The following CACNA2D3 variants were observed in gnomAD, a reference collection of about 807,000 sequenced individuals.
CACNA2D3 encodes calcium voltage-gated channel auxiliary subunit alpha2delta 3, also known as voltage-dependent calcium channel subunit alpha-2/delta-3.
In CACNA2D3, 60 loss-of-function variants were observed where a neutral mutation model predicts 160.6. The observed-to-expected ratio is 0.37, with a 90% CI of 0.30 to 0.46. The LOEUF is 0.46. Among genes scored for constraint, CACNA2D3 ranks in the 20% least tolerant of loss-of-function variants. The pLI, the probability that CACNA2D3 is intolerant of heterozygous loss-of-function variation, is 1.00. For synonymous variants in CACNA2D3, 558 were observed against 492.9 expected, an observed-to-expected ratio of 1.13 and a Z score of -1.75; for missense variants, 1,205 against 1,365.0, an observed-to-expected ratio of 0.88 and a Z score of 1.85.
chr3:54,859,652 T>G (rs1699242091), intron 17 of CACNA2D3, among the ~76,000 whole-genome samples: 1 of 152,136 alleles, frequency 6.6e-6, no homozygotes, highest in African/African-American at 2.4e-5. Context: ...GGGGTTTTTA[T>G]TGGCTTGGCC....
chr3:54,474,198 C>T (rs1700787395), intron 4 of CACNA2D3, among the ~76,000 whole-genome samples: 1 of 152,280 alleles, frequency 6.6e-6, no homozygotes, highest in South Asian at 2.1e-4. Flanking sequence ...CACATATACA[C>T]CATGGAATAC....
chr3:54,359,546 T>C (rs1333890180), intron 3 of CACNA2D3, among the ~76,000 whole-genome samples: 2 of 152,158 alleles, frequency 1.3e-5, no homozygotes, highest in African/African-American at 4.8e-5. Context: ...AAGAAACCAA[T>C]GTCTCATATG....
chr3:54,391,533 C>A (rs1477131047), intron 4 of CACNA2D3, among the ~76,000 whole-genome samples: 2 of 146,006 alleles, frequency 1.4e-5, no homozygotes, highest in Non-Finnish European at 3.0e-5. Context: ...TTTTTTGAGA[C>A]AGAGTCTTGA....
chr3:54,164,849 T>G (rs1249618851), intron 2 of CACNA2D3, among the ~76,000 whole-genome samples: 1 of 152,182 alleles, frequency 6.6e-6, no homozygotes, highest in Non-Finnish European at 1.5e-5. Flanking sequence ...TGTGTGGCCT[T>G]GATCAAGTTA....
intron 27 of CACNA2D3, among the ~76,000 whole-genome samples, chr3:54,963,348 A>G (rs192940255): frequency 9.9e-5 from 15 of 152,032 alleles, no homozygotes; most frequent in Admixed American, 7.2e-4. Flanking sequence ...TTTCTTTTCT[A>G]TGGTTCCTTC....
At chr3:54,564,712 G>T (rs1451812871) in intron 6 of CACNA2D3, among the ~76,000 whole-genome samples, 1 of 152,182 alleles carries the variant, frequency 6.6e-6, no homozygotes, top group Non-Finnish European at 1.5e-5. Context: ...ACTATATGAG[G>T]CCCTGAGGAT....
intron 4 of CACNA2D3, among the ~76,000 whole-genome samples, chr3:54,434,545 G>A (rs1283448919): frequency 7.9e-5 from 12 of 152,220 alleles, no homozygotes; most frequent in Admixed American, 6.5e-4. Flanking sequence ...CCCCAAGGAC[G>A]ATATTTCTTC....
chr3:55,016,899 G>A (rs1454716631), intron 34 of CACNA2D3, among the ~76,000 whole-genome samples: 1 of 152,130 alleles, frequency 6.6e-6, no homozygotes, highest in Non-Finnish European at 1.5e-5. Flanking sequence ...ATCGTTTCCT[G>A]ATCACCCCAC....
At chr3:54,924,768 G>C (rs149325578) in intron 27 of CACNA2D3, 6 of 1,613,972 alleles carry the variant, frequency 3.7e-6, no homozygotes, top group Non-Finnish European at 5.1e-6. Context: ...TTGTTGAACC[G>C]CAAGTATAGT....
chr3:54,576,076 G>A lies in CACNA2D3; in HGVS notation c.889-5727G>A, dbSNP rs1030019412. Among the ~76,000 whole-genome samples the A allele has an allele frequency of 2.0e-5, 3 of 152,168 alleles. No homozygotes were observed. The East Asian group carries it at 5.8e-4, about 29-fold the overall frequency. ...AGGCAATGGAGACCCACAGAAATGA[G>A]TCTCAGCTTCAGGGCAGGGTGTTGA... On this transcript the variant is annotated intron_variant, in intron 8 of 37. Transcript: ENST00000474759.
intron 14 of CACNA2D3, among the ~76,000 whole-genome samples, chr3:54,819,119 G>A (rs1402519831): frequency 1.3e-5 from 2 of 152,028 alleles, no homozygotes; most frequent in Non-Finnish European, 2.9e-5. Flanking sequence ...GAAGAATGAG[G>A]TTCTTGCAAG....
intron 31 of CACNA2D3, among the ~76,000 whole-genome samples, chr3:54,997,524 C>T (rs551503188): frequency 1.4e-4 from 21 of 151,932 alleles, no homozygotes; most frequent in African/African-American, 4.8e-4. Context: ...CAACCACATC[C>T]AGCACGTGAA....
chr3:54,687,021 G>T (rs1330832983), intron 11 of CACNA2D3, among the ~76,000 whole-genome samples: 3 of 151,926 alleles, frequency 2.0e-5, no homozygotes, highest in Admixed American at 2.0e-4. Flanking sequence ...GAAAAATTTG[G>T]AAGCTTGGAT....
chr3:54,809,218 G>T (rs1433082366), intron 13 of CACNA2D3, among the ~76,000 whole-genome samples: 2 of 147,202 alleles, frequency 1.4e-5, no homozygotes, highest in Admixed American at 6.8e-5. Flanking sequence ...CTTTCCTTCT[G>T]CTCTCATTTC....
In CACNA2D3 at chr3:54,689,006, A is replaced by AG. The variant is rs1398303895; in HGVS notation, c.1167+46765_1167+46766insG. Among the ~76,000 whole-genome samples, 189 of 109,314 alleles carry AG rather than the reference A, an allele frequency of 1.7e-3. 27 individuals carry two copies. The highest frequency in any genetic ancestry group is 5.3e-3 in the African/African-American group (152 of 28,428). The allele number at this position is 109,314 out of a possible 152,430, so 71.7% of individuals were successfully genotyped here. On this transcript the variant is annotated intron_variant, in intron 11 of 37. Coordinates refer to ENST00000474759, the MANE Select transcript of CACNA2D3 (RefSeq NM_018398.3). The stretch of plus-strand genomic sequence containing the variant: ...AAAAAAAAAAAAAAAAAAAAAAAAA[A>AG]AAAAAGAATGAGGTTGTATACATAA...
chr3:54,971,196 G>C (rs1392584981), intron 29 of CACNA2D3, among the ~76,000 whole-genome samples: 1 of 152,108 alleles, frequency 6.6e-6, no homozygotes, highest in Non-Finnish European at 1.5e-5. Context: ...TTCCCCTTAG[G>C]AAAGAATACC....
At chr3:54,886,085 T>TCCCTCTTTTGCAC (rs1401375969) in intron 23 of CACNA2D3, among the ~76,000 whole-genome samples, 1 of 151,958 alleles carries the variant, frequency 6.6e-6, no homozygotes, top group Non-Finnish European at 1.5e-5. Flanking sequence ...GAGTAGGAAA[T>TCCCTCTTTTGCAC]CTCTCAGCTG....
At position 54,661,837 on chromosome 3, in the gene CACNA2D3, G is replaced by GGTGTGTGT. The variant is rs1559542452; in HGVS notation, c.1167+19596_1167+19597insGTGTGTGT. ...CTATGGTTCACACAGACATCTCAGGGATGTGTGTATGTGTGTGTGTGTGTG... is the reference window on the plus strand; with the variant it reads ...CTATGGTTCACACAGACATCTCAGGGGTGTGTGTATGTGTGTATGTGTGTGTGTGTGTG... On this transcript the variant is annotated intron_variant, in intron 11 of 37. Transcript: ENST00000474759. 1.2e-3 allele frequency among the ~76,000 whole-genome samples: 41 copies of GGTGTGTGT among 34,832 alleles called. 1 individual carries two copies. The highest frequency in any genetic ancestry group is 5.6e-3 in the East Asian group (16 of 2,852). 22.9% of individuals were successfully genotyped at this position (34,832 alleles called of 152,430 possible).
chr3:54,178,716 T>A (rs1700721279), intron 2 of CACNA2D3, among the ~76,000 whole-genome samples: 1 of 152,184 alleles, frequency 6.6e-6, no homozygotes, highest in African/African-American at 2.4e-5. Flanking sequence ...AGAAATAATC[T>A]GTCAAAATAA....
Sources: allele counts gnomAD v4.1 joint callset (sites outside exome capture counted in the v4.1 genomes callset), GRCh38; gene constraint gnomAD v4.1.1; transcripts MANE v1.5; gene names NCBI Gene and HGNC (gene_info 2026-07-23, HGNC 2026-07-21).